Variants in LARGE1 observed in about 807,000 individuals in gnomAD.
The protein encoded by LARGE1 is xylosyl- and glucuronyltransferase LARGE1.
Under a neutral mutation model 87.6 loss-of-function variants are expected in LARGE1, and 43 were observed. The ratio of observed to expected loss-of-function variants is 0.49; its 90% CI spans 0.38 to 0.63. The LOEUF (loss-of-function observed/expected upper bound fraction) is 0.63, where lower values mean the gene tolerates loss of function less well. LARGE1 is among the 30% of genes least tolerant of loss of function. The probability of loss-of-function intolerance (pLI) is 0.00; values close to 1 mark genes in which losing one functional copy is unlikely to be tolerated. For missense variants in LARGE1, 802 were observed against 1,000.2 expected, an observed-to-expected ratio of 0.80 and a Z score of 2.67; for synonymous variants, 434 against 394.6, an observed-to-expected ratio of 1.10 and a Z score of -1.18.
At chr22:33,269,781 G>A (rs1401052841), downstream of LARGE1, among the ~76,000 whole-genome samples, 8 of 152,004 alleles carry the variant, frequency 5.3e-5, no homozygotes, top group African/African-American at 1.7e-4. Context: ...CGAGGTGGGC[G>A]GATCATGAGG....
chr22:33,250,708 T>C (rs957780836), intron 11 of LARGE1, among the ~76,000 whole-genome samples: 3 of 152,214 alleles, frequency 2.0e-5, no homozygotes, highest in African/African-American at 7.2e-5. Flanking sequence ...CTTTTAATCA[T>C]GATTGACTTT....
At chr22:33,337,616 C>T (rs527296543) in intron 10 of LARGE1, 30 bp downstream of exon 10, 1 of 1,613,666 alleles carries the variant, frequency 6.2e-7, no homozygotes, top group South Asian at 1.1e-5. Flanking sequence ...GAAGCCGCCC[C>T]TTCCCTGCCC....
chr22:33,642,549 T>A (rs1406045486), intron 3 of LARGE1, among the ~76,000 whole-genome samples: 1 of 151,872 alleles, frequency 6.6e-6, no homozygotes, highest in Non-Finnish European at 1.5e-5. Flanking sequence ...TAACCTTAAA[T>A]GTAAATGGGC....
At chr22:33,783,674 G>C (rs1261211122) in intron 1 of LARGE1, among the ~76,000 whole-genome samples, 1 of 152,190 alleles carries the variant, frequency 6.6e-6, no homozygotes, top group East Asian at 1.9e-4. Context: ...TGTTGTTGTT[G>C]ATTTAATCAA....
intron 1 of LARGE1, among the ~76,000 whole-genome samples, chr22:33,828,694 C>T (rs1006951172): frequency 2.0e-5 from 3 of 152,188 alleles, no homozygotes; most frequent in Admixed American, 6.5e-5. Flanking sequence ...CAGTCCCTAA[C>T]GTTGTGCCCA....
At chr22:33,256,625 C>A (rs1167245091) in intron 11 of LARGE1, among the ~76,000 whole-genome samples, 4 of 152,140 alleles carry the variant, frequency 2.6e-5, no homozygotes, top group African/African-American at 4.8e-5. Context: ...TTGTTCCAGT[C>A]ATGCATGTGG....
At chr22:33,521,378 T>C (rs1026791588) in intron 6 of LARGE1, among the ~76,000 whole-genome samples, 18 of 152,376 alleles carry the variant, frequency 1.2e-4, no homozygotes, top group African/African-American at 4.3e-4. Flanking sequence ...TGGCCTTACC[T>C]GCTAGCATAG....
chr22:33,511,925 T>C (rs1293004948), intron 6 of LARGE1, among the ~76,000 whole-genome samples: 1 of 152,242 alleles, frequency 6.6e-6, no homozygotes, highest in Non-Finnish European at 1.5e-5. Context: ...CATATCTTCT[T>C]GTCTCATCTC....
intron 11 of LARGE1, among the ~76,000 whole-genome samples, chr22:33,179,818 A>G (rs1428577929): frequency 6.6e-6 from 1 of 151,546 alleles, no homozygotes; most frequent in African/African-American, 2.4e-5. Flanking sequence ...CTGATTTACC[A>G]CTTTAATCCC....
At chr22:33,364,135 A>ACC in intron 9 of LARGE1, among the ~76,000 whole-genome samples, 1 of 151,566 alleles carries the variant, frequency 6.6e-6, no homozygotes, top group South Asian at 2.1e-4. Context: ...GCTCACTGCA[A>ACC]ACTCCGCCCC....
the LARGE1 span, among the ~76,000 whole-genome samples, chr22:33,081,629 G>A: frequency 5.9e-3 from 903 of 152,266 alleles, 3 homozygotes; most frequent in Middle Eastern, 0.02. Flanking sequence ...TTGAGAATCT[G>A]CTGAAAACTA....
At chr22:33,343,336 T>C (rs865793100) in intron 9 of LARGE1, among the ~76,000 whole-genome samples, 13 of 152,190 alleles carry the variant, frequency 8.5e-5, no homozygotes, top group African/African-American at 3.1e-4. Flanking sequence ...TCCAGGCTGG[T>C]CTCAAACTCC....
intron 2 of LARGE1, among the ~76,000 whole-genome samples, chr22:33,657,959 G>T (rs1403387859): frequency 6.6e-6 from 1 of 151,958 alleles, no homozygotes; most frequent in Non-Finnish European, 1.5e-5. Flanking sequence ...AGAGAAACAG[G>T]CACATGATTT....
At chr22:33,539,327 T>A (rs1173930376) in intron 6 of LARGE1, among the ~76,000 whole-genome samples, 3 of 151,756 alleles carry the variant, frequency 2.0e-5, no homozygotes, top group Non-Finnish European at 4.4e-5. Context: ...GTAAATAAAT[T>A]CCCCATGCCC....
At chr22:33,759,209 T>C (rs1158349493) in intron 2 of LARGE1, among the ~76,000 whole-genome samples, 1 of 152,172 alleles carries the variant, frequency 6.6e-6, no homozygotes, top group Non-Finnish European at 1.5e-5. Context: ...TCCTATTAAC[T>C]ATCAAATTCC....
chr22:33,527,484 G>A (rs2071972289), intron 6 of LARGE1, among the ~76,000 whole-genome samples: 2 of 152,112 alleles, frequency 1.3e-5, no homozygotes, highest in African/African-American at 4.8e-5. Flanking sequence ...AATTCTGAAC[G>A]GCCTTTCATT....
exon 12 of LARGE1, chr22:33,165,554 A>G (rs924114670): frequency 2.0e-5 from 3 of 152,192 alleles, no homozygotes; most frequent in African/African-American, 7.2e-5. Context: ...CTTTACTAAT[A>G]TGCAGGTTTA....
chr22:33,130,650 G>C, the LARGE1 span, among the ~76,000 whole-genome samples: 2 of 152,150 alleles, frequency 1.3e-5, no homozygotes, highest in Non-Finnish European at 2.9e-5. Context: ...CCCAGGTCAG[G>C]AGAGATCAGA....
chr22:33,302,420 C>A (rs549015402), intron 12 of LARGE1, among the ~76,000 whole-genome samples: 3 of 152,252 alleles, frequency 2.0e-5, no homozygotes, highest in African/African-American at 7.2e-5. Context: ...GGACTCCTCC[C>A]GCCCCAGGGG....
Sources: gnomAD v4.1 joint callset for allele counts (sites outside exome capture counted in the v4.1 genomes callset) on GRCh38, gnomAD v4.1.1 for gene constraint, MANE v1.5 for transcripts, NCBI Gene and HGNC (gene_info 2026-07-23, HGNC 2026-07-21) for gene names.